Variants in DNM2 observed in about 807,000 individuals in gnomAD.
The protein encoded by DNM2 is dynamin-2.
DNM2 carries 15 observed loss-of-function variants against 99.0 expected under a neutral mutation model. That is an observed-to-expected ratio of 0.15 (90% CI 0.10 to 0.23). The LOEUF is 0.23. DNM2 is among the 10% of genes least tolerant of loss of function. The probability of loss-of-function intolerance (pLI) is 1.00; values close to 1 mark genes in which losing one functional copy is unlikely to be tolerated. For synonymous variants in DNM2, 525 were observed against 481.2 expected, an observed-to-expected ratio of 1.09 and a Z score of -1.19; for missense variants, 742 against 1,189.4, an observed-to-expected ratio of 0.62 and a Z score of 5.53.
chr19:10,741,914 C>T (rs2069766675), intron 1 of DNM2, among the ~76,000 whole-genome samples: 1 of 150,946 alleles, frequency 6.6e-6, no homozygotes, highest in Non-Finnish European at 1.5e-5. Context: ...TCCTCTTTAC[C>T]TTCCTCTTTC....
intron 1 of DNM2, among the ~76,000 whole-genome samples, chr19:10,722,110 G>T (rs78420328): frequency 6.6e-6 from 1 of 152,110 alleles, no homozygotes; most frequent in Non-Finnish European, 1.5e-5. Flanking sequence ...TGTCTTATAC[G>T]CATGGTGGCT....
chr19:10,718,352 TG>T lies in DNM2; in HGVS notation c.113del (p.Gly38AlafsTer93). 6.6e-7 allele frequency: 1 copy of T among 1,521,480 alleles called. No individual in the cohort carries two copies. Among genetic ancestry groups the T allele is most frequent in the Non-Finnish European group, 8.8e-7 (1 of 1,136,790 alleles). 94.2% of individuals were successfully genotyped at this position (1,521,480 alleles called of 1,614,324 possible). A position where few individuals can be genotyped will look rare whatever the true frequency, so the allele number is the denominator to read the frequency against. On this transcript the variant is annotated frameshift_variant, in exon 1 of 21. Coordinates refer to ENST00000389253, the MANE Select transcript of DNM2 (RefSeq NM_001005361.3). LOFTEE classifies it high-confidence loss of function. ...CHLDLPQIAV[V>X]GGQSAGKSSV... ...CTGGACCTGCCGCAGATCGCTGTAG[TG>T]GGCGGCCAGAGCGCCGGCAAGAGCT...
At chr19:10,814,325 G>A (rs764745773) in intron 15 of DNM2, among the ~76,000 whole-genome samples, 29 of 151,828 alleles carry the variant, frequency 1.9e-4, no homozygotes, top group African/African-American at 3.1e-4. Flanking sequence ...TTAATCTGGC[G>A]TGGTGGCGCA....
intron 12 of DNM2, 109 bp from the exon 13 acceptor site, chr19:10,805,807 C>A: frequency 7.2e-7 from 1 of 1,395,872 alleles, no homozygotes; most frequent in Non-Finnish European, 1.0e-6. Flanking sequence ...CTGCCTCTAC[C>A]TGTGGCTGCT....
rs1457554222 is a variant in DNM2 at position 10,805,976 on chromosome 19, C to A, written c.1545+9C>A. 1.9e-6 allele frequency: 3 copies of A among 1,614,044 alleles called. No individual in the cohort carries two copies. Among genetic ancestry groups the A allele is most frequent in the Non-Finnish European group, 2.5e-6 (3 of 1,180,034 alleles). ...GAGCCATCCCCAATCAGGTAGCACA[C>A]CCCTCTGCAGTCTCCCGCTCTACCC... On this transcript the variant is annotated intron_variant, in intron 13 of 20. Coordinates refer to ENST00000389253, the MANE Select transcript of DNM2 (RefSeq NM_001005361.3).
rs2145978158 is a variant in DNM2, at chr19:10,786,670, C to T, written c.956C>T (p.Pro319Leu). Residue 319 changes from proline to leucine, a missense_variant, in exon 7 of 21, where the codon CCC (proline) becomes CTC (leucine). Physicochemically the swap from Pro to Leu is moderately conservative, Grantham distance 98. Transcript: ENST00000389253. ...GTGGAGGAGTACAAGAACTTTCGGCCCGACGACCCCACCCGCAAAACCAAA... is the reference window on the plus strand; with the variant it reads ...GTGGAGGAGTACAAGAACTTTCGGCTCGACGACCCCACCCGCAAAACCAAA... ...KEVEEYKNFRPDDPTRKTKAL... is the reference protein window; with the variant it reads ...KEVEEYKNFRLDDPTRKTKAL... 1 of 1,614,154 alleles carries T rather than the reference C, an allele frequency of 6.2e-7. No individual in the cohort carries two copies. The highest frequency in any genetic ancestry group is 1.7e-5 in the Admixed American group (1 of 60,016).
rs561133571 is a variant in DNM2, at chr19:10,819,941, G to A, written c.1672-39G>A. 1.9e-4 allele frequency: 309 copies of A among 1,600,650 alleles called. 2 individuals carry two copies. The highest frequency in any genetic ancestry group is 1.4e-3 in the South Asian group (124 of 90,782). On this transcript the variant is annotated intron_variant, in intron 15 of 20. Coordinates refer to ENST00000389253, the MANE Select transcript of DNM2 (RefSeq NM_001005361.3). ...GGCCTGGGGCATCCTGAGTTGTCAC[G>A]TGGACCGCTCAGGGTGACTCTTTTC... is the stretch of plus-strand genomic sequence containing the variant.
chr19:10,790,090 G>C (rs1468908074), intron 7 of DNM2, among the ~76,000 whole-genome samples: 4 of 152,176 alleles, frequency 2.6e-5, no homozygotes, highest in Non-Finnish European at 4.4e-5. Flanking sequence ...GAGGGTCCAA[G>C]GTCCTCATGC....
At chr19:10,785,171 A>G (rs192400230) in intron 6 of DNM2, among the ~76,000 whole-genome samples, 1 of 151,516 alleles carries the variant, frequency 6.6e-6, no homozygotes, top group Non-Finnish European at 1.5e-5. Context: ...AGGCTGGAGT[A>G]CAGTGGCACA....
Position 10,795,855 on chromosome 19 carries a change from A to T in DNM2, c.1196+416A>T. The T allele has an allele frequency of 1.4e-6, 1 of 721,108 alleles. No homozygotes were observed. Among genetic ancestry groups the T allele is most frequent in the Non-Finnish European group, 2.4e-6 (1 of 421,126 alleles). 44.7% of individuals were successfully genotyped at this position (721,108 alleles called of 1,614,324 possible). ...GTCCCCTCCTTATTCTAACAAAGGT[A>T]GTTGCTCCAGGTGTCTGCCCTTCCA... On this transcript the variant is annotated intron_variant, in intron 9 of 20. Transcript: ENST00000389253. The surrounding 1 kb of genome is among the most constrained non-coding windows in gnomAD (Gnocchi z 4.2).
chr19:10,752,549 T>C (rs994751065), intron 1 of DNM2, among the ~76,000 whole-genome samples: 1 of 152,208 alleles, frequency 6.6e-6, no homozygotes, highest in Non-Finnish European at 1.5e-5. Flanking sequence ...AGCCGGGCCC[T>C]GGCTGGGAGT....
At chr19:10,732,514 G>A (rs2069364963) in intron 1 of DNM2, among the ~76,000 whole-genome samples, 2 of 151,672 alleles carry the variant, frequency 1.3e-5, no homozygotes, top group South Asian at 4.2e-4. Context: ...GCAAGAGAAT[G>A]GTGTGAACCC....
At chr19:10,824,953 C>T in intron 17 of DNM2, 104 bp from the exon 18 acceptor site, 1 of 1,585,050 alleles carries the variant, frequency 6.3e-7, no homozygotes, top group Non-Finnish European at 8.6e-7. Flanking sequence ...CAGGGGCCAG[C>T]CTGAGGTCAG....
chr19:10,737,163 A>T (rs1173915464), intron 1 of DNM2, among the ~76,000 whole-genome samples: 1 of 151,818 alleles, frequency 6.6e-6, no homozygotes, highest in Non-Finnish European at 1.5e-5. Flanking sequence ...TCTACTTGGA[A>T]TCCTCCCTGG....
chr19:10,777,828 C>G (rs920639878), intron 5 of DNM2, among the ~76,000 whole-genome samples: 1 of 152,072 alleles, frequency 6.6e-6, no homozygotes, highest in African/African-American at 2.4e-5. Flanking sequence ...CTCCTGACTT[C>G]AGGTGATCCA....
intron 6 of DNM2, among the ~76,000 whole-genome samples, chr19:10,784,647 T>G (rs2145968581): frequency 6.6e-6 from 1 of 152,152 alleles, no homozygotes; most frequent in East Asian, 1.9e-4. Flanking sequence ...CTCCCTGCCT[T>G]TCTAGGCAGC....
intron 1 of DNM2, among the ~76,000 whole-genome samples, chr19:10,732,299 GAAAA>G (rs1161253585): frequency 0.077 from 6,963 of 90,972 alleles, 242 homozygotes; most frequent in African/African-American, 0.13. Context: ...TCGTTGTGGA[GAAAA>G]AAAAAAAAAA....
chr19:10,805,628 C>T (rs1345121887), intron 12 of DNM2, among the ~76,000 whole-genome samples: 1 of 152,192 alleles, frequency 6.6e-6, no homozygotes, highest in Non-Finnish European at 1.5e-5. Flanking sequence ...CCTTCTCACA[C>T]TTCCCCTTAG....
At chr19:10,810,499 A>C (rs760794009) in intron 14 of DNM2, 1 of 152,512 alleles carries the variant, frequency 6.6e-6, no homozygotes, top group African/African-American at 2.4e-5. Flanking sequence ...TCCTGCCCCA[A>C]GGCTTGGTGT....
Sources: allele counts gnomAD v4.1 joint callset (sites outside exome capture counted in the v4.1 genomes callset), GRCh38; gene constraint gnomAD v4.1.1; non-coding constraint Gnocchi (gnomAD v3.1); transcripts MANE v1.5; gene names NCBI Gene and HGNC (gene_info 2026-07-23, HGNC 2026-07-21).